The following SNRPN variants were observed in gnomAD, a reference collection of about 807,000 sequenced individuals.
SNRPN encodes small nuclear ribonucleoprotein polypeptide N.
SNRPN carries 7 observed loss-of-function variants against 25.2 expected under a neutral mutation model. The observed-to-expected ratio is 0.28, with a 90% CI of 0.16 to 0.52. The LOEUF (loss-of-function observed/expected upper bound fraction) is 0.52. SNRPN is among the 20% of genes least tolerant of loss of function. The probability of loss-of-function intolerance (pLI) is 0.96; values close to 1 mark genes in which losing one functional copy is unlikely to be tolerated. For missense variants in SNRPN, 196 were observed against 322.5 expected (o/e 0.61, Z 3.00); for synonymous variants, 124 against 110.6 (o/e 1.12, Z -0.76).
rs144640924 is a variant in SNRPN at position 24,930,729 on chromosome 15, G to A, written c.-391+10605G>A. Among the ~76,000 whole-genome samples, 683 of 151,872 alleles carry A rather than the reference G, an allele frequency of 4.5e-3. 3 individuals are homozygous for A. The highest frequency in any genetic ancestry group is 8.1e-3 in the Non-Finnish European group (552 of 67,958). ...AGACTGGCCAACATGGTGAAACCCC[G>A]TCTCTACTAAAAATAAAAAATTAGC... On this transcript the variant is annotated intron_variant, in intron 3 of 11. Transcript: ENST00000400097.
At chr15:24,918,010 A>T (rs564763456) in intron 2 of SNRPN, among the ~76,000 whole-genome samples, 1 of 152,272 alleles carries the variant, frequency 6.6e-6, no homozygotes, top group South Asian at 2.1e-4. Flanking sequence ...ATTTGTTCCC[A>T]TGCCTTACTT....
At chr15:24,851,755 T>C (rs1286977764), upstream of SNRPN, 1 of 152,124 alleles carries the variant, frequency 6.6e-6, no homozygotes, top group Non-Finnish European at 1.5e-5. Flanking sequence ...CTGTGCATTA[T>C]GAGGAATTGG....
chr15:24,972,255 C>CA (rs5811371), intron 3 of SNRPN, among the ~76,000 whole-genome samples: 49,434 of 107,854 alleles, frequency 0.46, 9,386 homozygotes, highest in East Asian at 0.58. Context: ...GACTCTGTCT[C>CA]AAAAAAAAAA....
At chr15:24,830,686 C>G (rs1277161514) in intron 2 of SNRPN, among the ~76,000 whole-genome samples, 1 of 151,950 alleles carries the variant, frequency 6.6e-6, no homozygotes, top group Non-Finnish European at 1.5e-5. Flanking sequence ...TTCTTTGACC[C>G]ATGTATTATT....
chr15:24,961,695 A>G (rs139945521), intron 1 of SNRPN, among the ~76,000 whole-genome samples: 153 of 152,252 alleles, frequency 1.0e-3, no homozygotes, highest in Non-Finnish European at 1.7e-3. Flanking sequence ...ATTCCACTAT[A>G]TAAGTATGTC....
At chr15:24,924,566 GCAT>G (rs2060258647) in intron 3 of SNRPN, among the ~76,000 whole-genome samples, 1 of 151,936 alleles carries the variant, frequency 6.6e-6, no homozygotes, top group African/African-American at 2.4e-5. Context: ...GCACACCAAA[GCAT>G]CATATTTTGG....
intron 1 of SNRPN, among the ~76,000 whole-genome samples, chr15:24,881,554 AGGGAGGGAGGGAGG>A (rs1566863990): frequency 1.8e-5 from 1 of 56,730 alleles, no homozygotes; most frequent in Admixed American, 2.7e-4. Context: ...AGAGAGAGAG[AGGGAGGGAGGGAGG>A]GAGGGAGGGA....
intron 2 of SNRPN, among the ~76,000 whole-genome samples, chr15:24,887,304 T>C (rs1265372509): frequency 6.6e-6 from 1 of 151,980 alleles, no homozygotes; most frequent in Non-Finnish European, 1.5e-5. Flanking sequence ...TGCGCCACCA[T>C]GCCTGGCTAA....
intron 2 of SNRPN, chr15:24,848,268 G>GGGGGC (rs2052426811): frequency 2.1e-5 from 3 of 142,118 alleles, no homozygotes; most frequent in African/African-American, 8.0e-5. Context: ...GGGCGGGGGC[G>GGGGGC]GGGGCAGATC....
At chr15:24,912,195 C>T (rs2152220728) in intron 2 of SNRPN, among the ~76,000 whole-genome samples, 1 of 152,298 alleles carries the variant, frequency 6.6e-6, no homozygotes, top group South Asian at 2.1e-4. Flanking sequence ...GTCACCCAGG[C>T]TGGTCTCAAA....
chr15:24,902,407 A>T (rs75611138), intron 2 of SNRPN, among the ~76,000 whole-genome samples: 10,413 of 152,204 alleles, frequency 0.068, 441 homozygotes, highest in Non-Finnish European at 0.099. Flanking sequence ...AAAAAAATAT[A>T]TATCAGGGAA....
At chr15:24,976,485 A>G (rs2077073326) in intron 6 of SNRPN, 69 bp downstream of exon 6, 1 of 1,056,366 alleles carries the variant, frequency 9.5e-7, no homozygotes, top group Admixed American at 2.1e-5. Context: ...GATGTCTGAA[A>G]TCAGGGTAGA....
chr15:24,921,441 G>T (rs1337920647), intron 3 of SNRPN, among the ~76,000 whole-genome samples: 1 of 152,140 alleles, frequency 6.6e-6, no homozygotes, highest in Non-Finnish European at 1.5e-5. Flanking sequence ...TATAAAGGAA[G>T]CCAAACTTAT....
intron 3 of SNRPN, among the ~76,000 whole-genome samples, chr15:24,928,053 T>C (rs1443250381): frequency 6.6e-6 from 1 of 152,182 alleles, no homozygotes; most frequent in Non-Finnish European, 1.5e-5. Context: ...CCAGTTAGAA[T>C]TTGCTGTTAT....
chr15:24,943,993 T>A (rs1334104969), intron 3 of SNRPN, among the ~76,000 whole-genome samples: 1 of 152,076 alleles, frequency 6.6e-6, no homozygotes, highest in Admixed American at 6.6e-5. Context: ...AGCTAATTTT[T>A]GTATTTTTAG....
In SNRPN at chr15:24,955,022, T is replaced by C. The variant is rs540110981; in HGVS notation, c.-431T>C. On this transcript the variant is annotated 5_prime_UTR_variant, in exon 1 of 10. Transcript: ENST00000390687. The stretch of plus-strand genomic sequence containing the variant: ...GCGGCCGCCGGAGATGCCTGACGCA[T>C]CTGTCTGAGGAGCGGTCAGTGACGC... 3.1e-6 allele frequency: 5 copies of C among 1,612,624 alleles called. No individual in the cohort carries two copies. The African/African-American group carries it at 5.3e-5, about 17-fold the overall frequency.
chr15:24,956,352 A>AGCGG (rs1002044900), intron 1 of SNRPN, among the ~76,000 whole-genome samples: 16 of 72,446 alleles, frequency 2.2e-4, no homozygotes, highest in Admixed American at 3.4e-4. Context: ...CAAGCGCTTC[A>AGCGG]GCGGGGGGGT....
chr15:24,832,891 G>A (rs2050673541), intron 2 of SNRPN, among the ~76,000 whole-genome samples: 1 of 151,904 alleles, frequency 6.6e-6, no homozygotes, highest in Non-Finnish European at 1.5e-5. Context: ...CGGACCACGA[G>A]GTCAGGAGAT....
Position 24,977,024 on chromosome 15 carries a change from C to A in SNRPN, c.415C>A (p.Gln139Lys). 1 of 1,566,434 alleles carries A rather than the reference C, an allele frequency of 6.4e-7. No homozygotes were observed. The highest frequency in any genetic ancestry group is 8.6e-7 in the Non-Finnish European group (1 of 1,159,924). ...TGTCCGAGGAGTTGGGGGACCATCC[C>A]AGCAGGTGAGGAACCAGCAGAGGGT... ...GPVRGVGGPS[Q>K]QVMTPQGRGT... Residue 139 changes from glutamine (Q) to lysine (K), a missense_variant, in exon 7 of 10, where the codon CAG (glutamine) becomes AAG (lysine). By Grantham distance (53) the Gln-to-Lys change is moderately conservative. Transcript: ENST00000390687.
Sources: allele counts gnomAD v4.1 joint callset (sites outside exome capture counted in the v4.1 genomes callset), GRCh38; gene constraint gnomAD v4.1.1; transcripts MANE v1.5; gene names NCBI Gene and HGNC (gene_info 2026-07-23, HGNC 2026-07-21).